Variants in NDUFV3 observed in about 807,000 individuals in gnomAD.
The protein encoded by NDUFV3 is NADH dehydrogenase [ubiquinone] flavoprotein 3, mitochondrial.
A neutral mutation model predicts 37.5 loss-of-function variants in NDUFV3; 44 were observed. The observed-to-expected ratio is 1.17, with a 90% CI of 0.92 to 1.51. The LOEUF is 1.51. Among genes scored for constraint, NDUFV3 ranks in the 40% most tolerant of loss-of-function variants. The pLI, the probability that NDUFV3 is intolerant of heterozygous loss-of-function variation, is 0.00. For synonymous variants in NDUFV3, 235 were observed against 239.3 expected (o/e 0.98, Z 0.17); for missense variants, 580 against 580.4 (o/e 1.00, Z 0.01).
intron 2 of NDUFV3, among the ~76,000 whole-genome samples, chr21:42,898,065 T>C (rs1216122784): frequency 6.6e-6 from 1 of 152,240 alleles, no homozygotes; most frequent in African/African-American, 2.4e-5. Flanking sequence ...GTTTGAATGT[T>C]TGAAAGTATT....
chr21:42,896,790 G>C, intron 1 of NDUFV3, 137 bp from the exon 2 acceptor site: 1 of 804,858 alleles, frequency 1.2e-6, no homozygotes, highest in Admixed American at 2.6e-5. Flanking sequence ...AGTGAGCCAT[G>C]ATTGTGCCAC....
rs77606940 is a variant in NDUFV3 at position 42,893,344 on chromosome 21, C to G, written c.11C>G (p.Pro4Arg). 1.8e-3 allele frequency: 2,770 copies of G among 1,538,452 alleles called. 2 individuals carry two copies. Among genetic ancestry groups the G allele is most frequent in the South Asian group, 2.1e-3 (179 of 83,968 alleles). Residue 4 changes from proline to arginine, a missense_variant, in exon 1 of 4, where the codon CCG becomes CGG. Transcript: ENST00000354250. MAA[P>R]CLLRQGRAGA... The stretch of plus-strand genomic sequence containing the variant: ...CCCGCTGTCACCGCCATGGCTGCCC[C>G]GTGTTTGCTGCGGCAAGGACGAGCC...
At chr21:42,893,517 C>T (rs2058667404) in intron 1 of NDUFV3, 136 bp downstream of exon 1, 1 of 1,032,618 alleles carries the variant, frequency 9.7e-7, no homozygotes, top group Admixed American at 2.1e-5. Flanking sequence ...TGACCCCGCT[C>T]CCTGGGCCCA....
intron 3 of NDUFV3, among the ~76,000 whole-genome samples, chr21:42,907,304 T>G (rs931317883): frequency 3.3e-5 from 5 of 152,162 alleles, no homozygotes; most frequent in Non-Finnish European, 7.3e-5. Flanking sequence ...ATTTTTTATT[T>G]GACAGACGTG....
At chr21:42,894,415 A>AAAT (rs1452662636) in intron 1 of NDUFV3, among the ~76,000 whole-genome samples, 2 of 47,274 alleles carry the variant, frequency 4.2e-5, no homozygotes, top group African/African-American at 4.6e-4. Context: ...TATAATATAT[A>AAAT]ATATATTATA....
intron 3 of NDUFV3, among the ~76,000 whole-genome samples, chr21:42,904,572 C>T (rs2058733539): frequency 6.9e-6 from 1 of 145,612 alleles, no homozygotes; most frequent in Admixed American, 7.0e-5. Context: ...CTCACTACAA[C>T]TTCCATCTCA....
chr21:42,909,211 G>C lies in NDUFV3; in HGVS notation c.*190G>C. On this transcript the variant is annotated 3_prime_UTR_variant, in exon 4 of 4. Coordinates refer to ENST00000354250, the MANE Select transcript of NDUFV3 (RefSeq NM_021075.4). Reference sequence around the variant, plus strand: ...GGCTGGAGTGCAGTGGCACATTCTCGGCTCACTGCAACTTCCGCCTCCTGG... The same window carrying C: ...GGCTGGAGTGCAGTGGCACATTCTCCGCTCACTGCAACTTCCGCCTCCTGG... 1 of 567,088 alleles carries C rather than the reference G, an allele frequency of 1.8e-6. No individual in the cohort carries two copies. Among genetic ancestry groups the C allele is most frequent in the Non-Finnish European group, 3.0e-6 (1 of 333,208 alleles). The allele number at this position is 567,088 out of a possible 1,614,324, so 35.1% of individuals were successfully genotyped here.
Position 42,910,796 on chromosome 21 carries a change from T to C in NDUFV3, c.*1775T>C, listed in dbSNP as rs1355241225. On this transcript the variant is annotated 3_prime_UTR_variant, in exon 4 of 4. Coordinates refer to ENST00000354250, the MANE Select transcript of NDUFV3 (RefSeq NM_021075.4). ...AGCTATTTTACCTATTTAGGGTTTC[T>C]GGGTTGGCCAAGTAACCTCCCATCC... The C allele has an allele frequency of 2.6e-5, 4 of 154,522 alleles. No homozygotes were observed. The highest frequency in any genetic ancestry group is 7.2e-5 in the African/African-American group (3 of 41,598). The allele number at this position is 154,522 out of a possible 1,614,324, so 9.6% of individuals were successfully genotyped here.
chr21:42,900,948 A>G (rs979181672), intron 2 of NDUFV3, among the ~76,000 whole-genome samples: 2 of 152,158 alleles, frequency 1.3e-5, no homozygotes, highest in Admixed American at 6.5e-5. Context: ...GTTTCCTTGA[A>G]TCCAGTACCC....
At chr21:42,897,705 C>A (rs901104899) in intron 2 of NDUFV3, among the ~76,000 whole-genome samples, 1 of 148,534 alleles carries the variant, frequency 6.7e-6, no homozygotes, top group African/African-American at 2.5e-5. Flanking sequence ...GAGATGGAGT[C>A]CTGCTCTGTT....
chr21:42,898,086 T>G lies in NDUFV3; in HGVS notation c.169+1039T>G, dbSNP rs1370473928. Among the ~76,000 whole-genome samples the G allele has an allele frequency of 5.9e-5, 9 of 152,372 alleles. No individual in the cohort carries two copies. In the East Asian group the frequency reaches 1.7e-3, roughly 29 times the overall value. On this transcript the variant is annotated intron_variant, in intron 2 of 3. Transcript: ENST00000354250. ...ATGTTTGAAAGTATTTAGATTCTTT[T>G]GTTTTCTTCCTCCTTGGTCTGTGCA...
chr21:42,901,026 G>A (rs2058715912), intron 2 of NDUFV3, among the ~76,000 whole-genome samples: 1 of 152,172 alleles, frequency 6.6e-6, no homozygotes, highest in South Asian at 2.1e-4. Context: ...TTTTTGAAGA[G>A]TATGTCCAGA....
chr21:42,896,356 C>A (rs2058691313), intron 1 of NDUFV3, among the ~76,000 whole-genome samples: 1 of 145,732 alleles, frequency 6.9e-6, no homozygotes, highest in Non-Finnish European at 1.6e-5. Context: ...CGGGGTTTCA[C>A]CGTGTTAGCC....
chr21:42,900,091 C>T (rs2058712504), intron 2 of NDUFV3, among the ~76,000 whole-genome samples: 1 of 152,120 alleles, frequency 6.6e-6, no homozygotes, highest in Non-Finnish European at 1.5e-5. Flanking sequence ...CCTAGTTACT[C>T]AGGAGGCTGA....
chr21:42,903,609 C>T lies in NDUFV3; in HGVS notation c.597C>T (p.Pro199=), dbSNP rs372028744. The T allele has an allele frequency of 2.0e-5, 33 of 1,613,804 alleles. No individual in the cohort carries two copies. In the African/African-American group the frequency reaches 4.1e-4, roughly 20 times the overall value. The change falls in exon 3 of 4, where the codon CCC becomes CCT. Residue 199 remains proline, a synonymous_variant. Coordinates refer to ENST00000354250, the MANE Select transcript of NDUFV3 (RefSeq NM_021075.4). ...CTCATTCCTTTGAAAACAGAGCCCC[C>T]CGAGTTACAGTATCAGCAAAAGAGA... ...EASHSFENRA[P]RVTVSAKEKT... is the part of the protein sequence containing the mutation.
Position 42,910,584 on chromosome 21 carries a change from C to A in NDUFV3, c.*1563C>A, listed in dbSNP as rs888249609. On this transcript the variant is annotated 3_prime_UTR_variant, in exon 4 of 4. Coordinates refer to ENST00000354250, the MANE Select transcript of NDUFV3 (RefSeq NM_021075.4). ...GGTGAAGTTTCGTGCAGTACAGGGA[C>A]GGAGTAGGAAGAGGTGAAGTTTCGT... is the stretch of plus-strand genomic sequence containing the variant. 6.8e-6 allele frequency: 1 copy of A among 147,070 alleles called. No homozygotes were observed. Among genetic ancestry groups the A allele is most frequent in the African/African-American group, 2.5e-5 (1 of 40,584 alleles). 9.1% of individuals were successfully genotyped at this position (147,070 alleles called of 1,614,324 possible). A position where few individuals can be genotyped will look rare whatever the true frequency, so the allele number is the denominator to read the frequency against.
chr21:42,903,232 G>T lies in NDUFV3; in HGVS notation c.220G>T (p.Ala74Ser), dbSNP rs1323538684. Residue 74 changes from alanine (A) to serine (S), a missense_variant, in exon 3 of 4, where the codon GCT (alanine) becomes TCT (serine). By Grantham distance (99) the Ala-to-Ser change is moderately conservative (BLOSUM62 1). Coordinates refer to ENST00000354250, the MANE Select transcript of NDUFV3 (RefSeq NM_021075.4). ...RGKLLATQTAAELSKNLSSPS... is the reference protein window; with the variant it reads ...RGKLLATQTASELSKNLSSPS... ...CAAGCTCCTAGCCACCCAGACAGCA[G>T]CTGAATTGTCTAAAAACTTATCTTC... 6.2e-7 allele frequency: 1 copy of T among 1,614,190 alleles called. No individual in the cohort carries two copies. The highest frequency in any genetic ancestry group is 8.5e-7 in the Non-Finnish European group (1 of 1,180,038).
intron 3 of NDUFV3, among the ~76,000 whole-genome samples, chr21:42,906,322 T>C (rs2058741662): frequency 6.6e-6 from 1 of 152,212 alleles, no homozygotes; most frequent in South Asian, 2.1e-4. Flanking sequence ...CTCCGTCCTG[T>C]GTCTGCTCTC....
intron 1 of NDUFV3, 35 bp from the exon 2 acceptor site, chr21:42,896,892 C>A: frequency 6.3e-7 from 1 of 1,598,032 alleles, no homozygotes. Context: ...AATGGCATTA[C>A]TCTAAACATC....
Sources: allele counts gnomAD v4.1 joint callset (sites outside exome capture counted in the v4.1 genomes callset), GRCh38; gene constraint gnomAD v4.1.1; transcripts MANE v1.5; gene names NCBI Gene and HGNC (gene_info 2026-07-23, HGNC 2026-07-21).